CAMTA1: variants seen among roughly 807,000 people sequenced by gnomAD.
CAMTA1 encodes calmodulin binding transcription activator 1, also known as calmodulin-binding transcription activator 1.
Under a neutral mutation model 170.9 loss-of-function variants are expected in CAMTA1, and 27 were observed. That is an observed-to-expected ratio of 0.16 (90% confidence interval 0.12 to 0.22). The LOEUF is 0.22. Among genes scored for constraint, CAMTA1 ranks in the 10% least tolerant of loss-of-function variants. The pLI, the probability that CAMTA1 is intolerant of heterozygous loss-of-function variation, is 1.00. For missense variants in CAMTA1, 1,619 were observed against 2,217.2 expected, an observed-to-expected ratio of 0.73 and a Z score of 5.42; for synonymous variants, 833 against 891.5, an observed-to-expected ratio of 0.93 and a Z score of 1.17.
At chr1:7,485,202 T>C (rs1346021015) in intron 6 of CAMTA1, among the ~76,000 whole-genome samples, 2 of 152,210 alleles carry the variant, frequency 1.3e-5, no homozygotes, top group African/African-American at 2.4e-5. Flanking sequence ...TGTCTGAGCC[T>C]GAAAGCCACG....
intron 6 of CAMTA1, among the ~76,000 whole-genome samples, chr1:7,497,450 C>T (rs886080672): frequency 7.2e-5 from 11 of 152,236 alleles, no homozygotes; most frequent in African/African-American, 9.6e-5. Flanking sequence ...GGACAAGGCA[C>T]GGCCCATCTA....
Position 7,144,271 on chromosome 1 carries a change from A to G in CAMTA1, c.302+52900A>G, listed in dbSNP as rs1646054976. On this transcript the variant is annotated intron_variant, in intron 4 of 22. Transcript: ENST00000303635. The surrounding 1 kb of genome is among the most constrained non-coding windows in gnomAD (Gnocchi z 4.0). ...TGTGTGTATGTGTGTGTTTGTGTGT[A>G]TGAGTGTGTGTTTGTGTGTATGAGT... Among the ~76,000 whole-genome samples, 1 of 150,530 alleles carries G rather than the reference A, an allele frequency of 6.6e-6. No individual in the cohort carries two copies. Among genetic ancestry groups the G allele is most frequent in the African/African-American group, 2.5e-5 (1 of 40,138 alleles).
At chr1:7,225,825 G>A (rs549873732) in intron 4 of CAMTA1, among the ~76,000 whole-genome samples, 89 of 152,336 alleles carry the variant, frequency 5.8e-4, no homozygotes, top group African/African-American at 2.0e-3. Context: ...AAGATGGTGA[G>A]TGACAGAAAC....
At chr1:6,864,194 C>T (rs915889466) in intron 3 of CAMTA1, among the ~76,000 whole-genome samples, 2 of 152,160 alleles carry the variant, frequency 1.3e-5, no homozygotes, top group Non-Finnish European at 2.9e-5. Context: ...TTGACACTTT[C>T]CTCTTCTTTT....
chr1:7,353,764 C>T (rs957553274), intron 5 of CAMTA1, among the ~76,000 whole-genome samples: 18 of 151,990 alleles, frequency 1.2e-4, no homozygotes, highest in African/African-American at 4.4e-4. Context: ...TATTTTTCAA[C>T]ATTTATTTTA....
Position 7,741,952 on chromosome 1 carries a change from T to G in CAMTA1, c.4183-2883T>G, listed in dbSNP as rs1443259521. ...ATGCCCGGCCTCGGGTTGTTTTTTTTTTTTTTTTTAAATAAAAGCAGGATA... is the reference window on the plus strand; with the variant it reads ...ATGCCCGGCCTCGGGTTGTTTTTTTGTTTTTTTTTAAATAAAAGCAGGATA... On this transcript the variant is annotated intron_variant, in intron 16 of 22. Coordinates refer to ENST00000303635, the MANE Select transcript of CAMTA1 (RefSeq NM_015215.4). Among the ~76,000 whole-genome samples the G allele has an allele frequency of 2.0e-5, 3 of 150,988 alleles. 1 individual carries two copies. Among genetic ancestry groups the G allele is most frequent in the South Asian group, 4.2e-4 (2 of 4,804 alleles).
chr1:6,947,620 T>C (rs1687794957), intron 3 of CAMTA1, among the ~76,000 whole-genome samples: 1 of 151,854 alleles, frequency 6.6e-6, no homozygotes, highest in Non-Finnish European at 1.5e-5. Flanking sequence ...TGACCTCAAG[T>C]GATCCACCAC....
chr1:6,892,637 C>G (rs1674774759), intron 3 of CAMTA1, among the ~76,000 whole-genome samples: 1 of 130,262 alleles, frequency 7.7e-6, no homozygotes, highest in African/African-American at 2.9e-5. Flanking sequence ...GGGGTAGATG[C>G]TTTTATATAA....
chr1:7,192,171 G>T (rs527876055), intron 4 of CAMTA1, among the ~76,000 whole-genome samples: 20 of 152,282 alleles, frequency 1.3e-4, no homozygotes, highest in Non-Finnish European at 2.5e-4. Flanking sequence ...CTTCTGGTTG[G>T]GACTCCAGGA....
intron 1 of CAMTA1, among the ~76,000 whole-genome samples, chr1:6,797,640 G>A (rs1459130180): frequency 6.6e-6 from 1 of 152,022 alleles, no homozygotes; most frequent in Non-Finnish European, 1.5e-5. Context: ...GCCTGCCTCT[G>A]CCTCCCAAAG....
chr1:7,214,492 A>G (rs1659385257), intron 4 of CAMTA1, among the ~76,000 whole-genome samples: 2 of 152,092 alleles, frequency 1.3e-5, no homozygotes, highest in East Asian at 1.9e-4. Context: ...TCAGCCTCCC[A>G]AGTAGTGGGG....
Position 7,399,765 on chromosome 1 carries a change from T to G in CAMTA1, c.439-68065T>G, listed in dbSNP as rs371674510. Reference sequence around the variant, plus strand: ...GGGCATAATATTCTAGGCTGGCAGGTTTTTTTTCTTCCAGCACTTTGAATA... The same window carrying G: ...GGGCATAATATTCTAGGCTGGCAGGGTTTTTTTCTTCCAGCACTTTGAATA... On this transcript the variant is annotated intron_variant, in intron 5 of 22. Coordinates refer to ENST00000303635, the MANE Select transcript of CAMTA1 (RefSeq NM_015215.4). 3.2e-4 allele frequency among the ~76,000 whole-genome samples: 49 copies of G among 152,206 alleles called. 1 individual carries two copies. The highest frequency in any genetic ancestry group is 1.1e-3 in the African/African-American group (46 of 41,532).
chr1:7,488,378 T>G lies in CAMTA1; in HGVS notation c.510+20477T>G, dbSNP rs975953344. ...GCACCCCACTGGCTCCAAGGAGTCC[T>G]CATTACCCCCAGCTTCGCTCCTGGA... On this transcript the variant is annotated intron_variant, in intron 6 of 22. Coordinates refer to ENST00000303635, the MANE Select transcript of CAMTA1 (RefSeq NM_015215.4). Among the ~76,000 whole-genome samples, 9 of 152,196 alleles carry G rather than the reference T, an allele frequency of 5.9e-5. No individual in the cohort carries two copies. The East Asian group carries it at 1.5e-3, about 26-fold the overall frequency.
intron 5 of CAMTA1, among the ~76,000 whole-genome samples, chr1:7,283,485 T>C (rs191460598): frequency 6.6e-6 from 1 of 152,310 alleles, no homozygotes; most frequent in East Asian, 1.9e-4. Flanking sequence ...TCCTCTTCTC[T>C]GGGCTCCAGA....
intron 4 of CAMTA1, among the ~76,000 whole-genome samples, chr1:7,094,485 T>C (rs1641836191): frequency 6.6e-6 from 1 of 152,220 alleles, no homozygotes; most frequent in Non-Finnish European, 1.5e-5. Flanking sequence ...AATAAAATGA[T>C]ACATTGTTTG....
intron 6 of CAMTA1, among the ~76,000 whole-genome samples, chr1:7,568,901 C>T (rs2095085848): frequency 6.6e-6 from 1 of 151,232 alleles, no homozygotes; most frequent in African/African-American, 2.4e-5. Context: ...ATCACCACCA[C>T]CATCCATCAT....
intron 9 of CAMTA1, among the ~76,000 whole-genome samples, chr1:7,667,149 A>G (rs1171939876): frequency 6.6e-6 from 1 of 151,984 alleles, no homozygotes; most frequent in Non-Finnish European, 1.5e-5. Flanking sequence ...TCAGCCTCCC[A>G]AAGTGCTGGG....
At position 7,534,021 on chromosome 1, in the gene CAMTA1, T is replaced by G. The variant is rs939991592; in HGVS notation, c.510+66120T>G. On this transcript the variant is annotated intron_variant, in intron 6 of 22. Coordinates refer to ENST00000303635, the MANE Select transcript of CAMTA1 (RefSeq NM_015215.4). The surrounding 1 kb of genome is among the most constrained non-coding windows in gnomAD (Gnocchi z 5.6). ...ATGGTCAAGCCTCATCTACTGTACC[T>G]GGAGCCTTCTCCTGACCCTGAACCC... Among the ~76,000 whole-genome samples the G allele has an allele frequency of 1.3e-5, 2 of 152,138 alleles. No individual in the cohort carries two copies. Among genetic ancestry groups the G allele is most frequent in the Non-Finnish European group, 2.9e-5 (2 of 68,024 alleles).
At chr1:7,340,894 A>G (rs956777819) in intron 5 of CAMTA1, among the ~76,000 whole-genome samples, 3 of 152,208 alleles carry the variant, frequency 2.0e-5, no homozygotes, top group Admixed American at 2.0e-4. Context: ...CACCATGAAC[A>G]AACCCATACG....
Sources: gnomAD v4.1 joint callset for allele counts (sites outside exome capture counted in the v4.1 genomes callset) on GRCh38, gnomAD v4.1.1 for gene constraint, Gnocchi (gnomAD v3.1) non-coding constraint, MANE v1.5 for transcripts, NCBI Gene and HGNC (gene_info 2026-07-23, HGNC 2026-07-21) for gene names.